Variants in OR8H2 observed in about 807,000 individuals in gnomAD.
The protein encoded by OR8H2 is olfactory receptor family 8 subfamily H member 2.
For missense variants in OR8H2, 374 were observed against 371.1 expected (o/e 1.01, Z -0.06); for synonymous variants, 157 against 139.2 (o/e 1.13, Z -0.90).
rs1854046433 is a variant in OR8H2, at chr11:56,105,760, A to G, written c.718A>G (p.Thr240Ala). ...STSGKQKAFS[T>A]CVSHLLGVTI... ...TTCAGGAAAGCAGAAAGCTTTCTCT[A>G]CTTGCGTCTCTCATCTCTTGGGAGT... Residue 240 changes from threonine to alanine, a missense_variant, in exon 2 of 2, where the codon ACT becomes GCT. Transcript: ENST00000313503. The G allele has an allele frequency of 6.8e-6, 11 of 1,613,764 alleles. No individual in the cohort carries two copies. In the South Asian group the frequency reaches 8.8e-5, roughly 13 times the overall value.
chr11:56,105,893 T>C lies in OR8H2; in HGVS notation c.851T>C (p.Val284Ala). 12 of 1,610,478 alleles carry C rather than the reference T, an allele frequency of 7.5e-6. No individual in the cohort carries two copies. The highest frequency in any genetic ancestry group is 1.7e-5 in the Admixed American group (1 of 59,850). ...GTTTTTTATACTATTGTGATTCCCG[T>C]GCTGAATCCACTCATTTATAGTCTT... ...ASVFYTIVIPVLNPLIYSLRN... is the reference protein window; with the variant it reads ...ASVFYTIVIPALNPLIYSLRN... The change falls in exon 2 of 2, where the codon GTG becomes GCG. Residue 284 changes from valine to alanine, a missense_variant. By Grantham distance (64) the Val-to-Ala change is moderately conservative (BLOSUM62 0). Coordinates refer to ENST00000313503, the MANE Select transcript of OR8H2 (RefSeq NM_001386064.1).
rs1227147946 is a variant in OR8H2, at chr11:56,106,184, T to G, written c.*203T>G. ...TCCAAATGGTAATTAGAAATCATAATATGTGTGTCATGTTTTCAGTCTACA... is the reference window on the plus strand; with the variant it reads ...TCCAAATGGTAATTAGAAATCATAAGATGTGTGTCATGTTTTCAGTCTACA... On this transcript the variant is annotated 3_prime_UTR_variant, in exon 2 of 2. Transcript: ENST00000313503. The G allele has an allele frequency of 9.3e-6, 4 of 432,152 alleles. No homozygotes were observed. In the East Asian group the frequency reaches 1.5e-4, roughly 16 times the overall value. 26.8% of individuals were successfully genotyped at this position (432,152 alleles called of 1,614,324 possible).
Position 56,106,149 on chromosome 11 carries a change from T to G in OR8H2, c.*168T>G, listed in dbSNP as rs977868071. 1 of 503,650 alleles carries G rather than the reference T, an allele frequency of 2.0e-6. No individual in the cohort carries two copies. Among genetic ancestry groups the G allele is most frequent in the African/African-American group, 2.0e-5 (1 of 51,098 alleles). The allele number at this position is 503,650 out of a possible 1,614,324, so 31.2% of individuals were successfully genotyped here. On this transcript the variant is annotated 3_prime_UTR_variant, in exon 2 of 2. Transcript: ENST00000313503. ...GATTTTAAACATTTCAAGGCATATG[T>G]TTTTAGAAATCCAAATGGTAATTAG...
In OR8H2 at chr11:56,104,869, C is replaced by A; in HGVS notation, c.-171-3C>A. The A allele has an allele frequency of 2.4e-5, 11 of 464,898 alleles. No homozygotes were observed. Among genetic ancestry groups the A allele is most frequent in the Admixed American group, 3.7e-5 (1 of 26,816 alleles). 28.8% of individuals were successfully genotyped at this position (464,898 alleles called of 1,614,324 possible). A position where few individuals can be genotyped will look rare whatever the true frequency, so the allele number is the denominator to read the frequency against. On this transcript the variant is annotated splice_region_variant and splice_polypyrimidine_tract_variant and intron_variant, in intron 1 of 1. Coordinates refer to ENST00000313503, the MANE Select transcript of OR8H2 (RefSeq NM_001386064.1). ...TTTGTTTGTTTTTTGTTTTTTGAGT[C>A]AGAGTCTGGCACAGTCGCCAGGGCT...
In OR8H2 at chr11:56,106,642, A is replaced by G. The variant is rs1854059128; in HGVS notation, c.*661A>G. On this transcript the variant is annotated 3_prime_UTR_variant, in exon 2 of 2. Transcript: ENST00000313503. ...TACTGCACAAAGCCTTTTTTCAAGA[A>G]TGTAAACTTGTGTTTAACAAATTAT... The G allele has an allele frequency of 6.6e-6, 1 of 152,064 alleles. No homozygotes were observed. Among genetic ancestry groups the G allele is most frequent in the Non-Finnish European group, 1.5e-5 (1 of 67,920 alleles). 9.4% of individuals were successfully genotyped at this position (152,064 alleles called of 1,614,324 possible).
rs372086578 is a variant in OR8H2, at chr11:56,104,905, G to T, written c.-138G>T. ...ACAGTCGCCAGGGCTGGAATGCAAT[G>T]GTGCGATCCCGGCTCACTGCAACCT... On this transcript the variant is annotated 5_prime_UTR_variant, in exon 2 of 2. An upstream start codon of the reference 5' UTR is lost. Transcript: ENST00000313503. The T allele has an allele frequency of 1.0e-4, 74 of 718,402 alleles. No homozygotes were observed. The East Asian group carries it at 1.0e-3, about 10-fold the overall frequency. 44.5% of individuals were successfully genotyped at this position (718,402 alleles called of 1,614,324 possible).
In OR8H2 at chr11:56,105,943, G is replaced by C. The variant is rs1485704629; in HGVS notation, c.901G>C (p.Val301Leu). 4.4e-6 allele frequency: 7 copies of C among 1,598,586 alleles called. No individual in the cohort carries two copies. The highest frequency in any genetic ancestry group is 2.7e-5 in the African/African-American group (2 of 74,216). The change falls in exon 2 of 2, where the codon GTC becomes CTC. Residue 301 changes from valine to leucine, a missense_variant. Transcript: ENST00000313503. ...SLRNKEVKNA[V>L]IRVMQRRQDS... ...TAGAAACAAAGAGGTGAAAAATGCT[G>C]TCATCAGAGTCATGCAGAGAAGACA...
In OR8H2 at chr11:56,104,992, G is replaced by T; in HGVS notation, c.-51G>T. 1 of 1,465,252 alleles carries T rather than the reference G, an allele frequency of 6.8e-7. No homozygotes were observed. Among genetic ancestry groups the T allele is most frequent in the Non-Finnish European group, 9.3e-7 (1 of 1,076,156 alleles). 90.8% of individuals were successfully genotyped at this position (1,465,252 alleles called of 1,614,324 possible). A position where few individuals can be genotyped will look rare whatever the true frequency, so the allele number is the denominator to read the frequency against. Reference sequence around the variant, plus strand: ...TTCTCCAGTAGCTGGGATTACAGGCGCCCCTGCTACGTATCAGCTTTGATT... The same window carrying T: ...TTCTCCAGTAGCTGGGATTACAGGCTCCCCTGCTACGTATCAGCTTTGATT... On this transcript the variant is annotated 5_prime_UTR_variant, in exon 2 of 2. Transcript: ENST00000313503.
chr11:56,105,869 T>G lies in OR8H2; in HGVS notation c.827T>G (p.Val276Gly), dbSNP rs1415272339. 6.2e-7 allele frequency: 1 copy of G among 1,611,778 alleles called. No individual in the cohort carries two copies. Among genetic ancestry groups the G allele is most frequent in the South Asian group, 1.1e-5 (1 of 90,956 alleles). Residue 276 changes from valine (V) to glycine (G), a missense_variant, in exon 2 of 2, where the codon GTT (valine) becomes GGT (glycine). Physicochemically the swap from Val to Gly is moderately radical, Grantham distance 109 (BLOSUM62 -3). Coordinates refer to ENST00000313503, the MANE Select transcript of OR8H2 (RefSeq NM_001386064.1). ...TTGGGAAGAGATCAAGTGGCTTCTGTTTTTTATACTATTGTGATTCCCGTG... is the reference window on the plus strand; with the variant it reads ...TTGGGAAGAGATCAAGTGGCTTCTGGTTTTTATACTATTGTGATTCCCGTG... ...YSLGRDQVAS[V>G]FYTIVIPVLN...
At position 56,103,837 on chromosome 11, in the gene OR8H2, T is replaced by TA. The variant is rs1458883591; in HGVS notation, c.-317dup. The TA allele has an allele frequency of 1.3e-5, 2 of 152,162 alleles. No homozygotes were observed. The highest frequency in any genetic ancestry group is 2.9e-5 in the Non-Finnish European group (2 of 68,028). The allele number at this position is 152,162 out of a possible 1,614,324, so 9.4% of individuals were successfully genotyped here. On this transcript the variant is annotated 5_prime_UTR_variant, in exon 1 of 2. An upstream open reading frame in the 5' UTR loses its in-frame stop. Transcript: ENST00000313503. ...AAAACATAATGAATACACCAAAATG[T>TA]AAAAACAACTTATCTCAAGTAAAAT...
chr11:56,104,825 T>C (rs1349270091), intron 1 of OR8H2, 47 bp from the exon 2 acceptor site: 2 of 455,868 alleles, frequency 4.4e-6, no homozygotes, highest in Non-Finnish European at 7.7e-6. Flanking sequence ...ATGCCATTCA[T>C]ATAAACAGAA....
In OR8H2 at chr11:56,103,910, AC is replaced by A. The variant is rs1323763014; in HGVS notation, c.-248del. 2 of 152,204 alleles carry A rather than the reference AC, an allele frequency of 1.3e-5. No individual in the cohort carries two copies. Among genetic ancestry groups the A allele is most frequent in the Non-Finnish European group, 2.9e-5 (2 of 68,016 alleles). The allele number at this position is 152,204 out of a possible 1,614,324, so 9.4% of individuals were successfully genotyped here. A position where few individuals can be genotyped will look rare whatever the true frequency, so the allele number is the denominator to read the frequency against. On this transcript the variant is annotated 5_prime_UTR_variant, in exon 1 of 2. Transcript: ENST00000313503. Reference sequence around the variant, plus strand: ...CCTCAGTTTTCATATTTTATTTATAACAAAAATTTGAGGTTGACAAATTTCC... The same window carrying A: ...CCTCAGTTTTCATATTTTATTTATAAAAAAATTTGAGGTTGACAAATTTCC...
chr11:56,106,084 T>A lies in OR8H2; in HGVS notation c.*103T>A. The A allele has an allele frequency of 1.2e-6, 1 of 804,798 alleles. No homozygotes were observed. The allele number at this position is 804,798 out of a possible 1,614,324, so 49.9% of individuals were successfully genotyped here. On this transcript the variant is annotated 3_prime_UTR_variant, in exon 2 of 2. Transcript: ENST00000313503. Reference sequence around the variant, plus strand: ...AAAAACAATTGAATCTTTTAATTTGTTTGCATTTCTGTTGTGCTACCCTTT... The same window carrying A: ...AAAAACAATTGAATCTTTTAATTTGATTGCATTTCTGTTGTGCTACCCTTT...
rs1481989868 is a variant in OR8H2 at position 56,106,213 on chromosome 11, ATG to A, written c.*236_*237del. ...TGTGTCATGTTTTCAGTCTACATATATGTGTTTGAAGCAACTGATGTGGAAAA... is the reference window on the plus strand; with the variant it reads ...TGTGTCATGTTTTCAGTCTACATATATGTTTGAAGCAACTGATGTGGAAAA... On this transcript the variant is annotated 3_prime_UTR_variant, in exon 2 of 2. Transcript: ENST00000313503. 3.1e-6 allele frequency: 1 copy of A among 325,440 alleles called. No homozygotes were observed. The highest frequency in any genetic ancestry group is 4.5e-5 in the Admixed American group (1 of 22,392). 20.2% of individuals were successfully genotyped at this position (325,440 alleles called of 1,614,324 possible). A position where few individuals can be genotyped will look rare whatever the true frequency, so the allele number is the denominator to read the frequency against.
In OR8H2 at chr11:56,105,688, G is replaced by T; in HGVS notation, c.646G>T (p.Ala216Ser). The change falls in exon 2 of 2, where the codon GCA becomes TCA. Residue 216 changes from alanine to serine, a missense_variant. Coordinates refer to ENST00000313503, the MANE Select transcript of OR8H2 (RefSeq NM_001386064.1). ...GATGGTGTCCCTTTTCACAATATCT[G>T]CATCCTATGTGTTCATTCTCTTTAC... ...TLMVSLFTIS[A>S]SYVFILFTIL... 3.1e-6 allele frequency: 5 copies of T among 1,614,030 alleles called. No homozygotes were observed. The highest frequency in any genetic ancestry group is 4.2e-6 in the Non-Finnish European group (5 of 1,179,928).
Position 56,107,455 on chromosome 11 carries a change from C to T in OR8H2, c.*1474C>T, listed in dbSNP as rs1485323754. Reference sequence around the variant, plus strand: ...GTAACAGCCCACAAATTTAGTCAGGCAGAGTGCTAAAATGTCTTTTATTTT... The same window carrying T: ...GTAACAGCCCACAAATTTAGTCAGGTAGAGTGCTAAAATGTCTTTTATTTT... On this transcript the variant is annotated 3_prime_UTR_variant, in exon 2 of 2. Coordinates refer to ENST00000313503, the MANE Select transcript of OR8H2 (RefSeq NM_001386064.1). 4 of 151,916 alleles carry T rather than the reference C, an allele frequency of 2.6e-5. No individual in the cohort carries two copies. Among genetic ancestry groups the T allele is most frequent in the African/African-American group, 9.7e-5 (4 of 41,426 alleles). The allele number at this position is 151,916 out of a possible 1,614,324, so 9.4% of individuals were successfully genotyped here.
In OR8H2 at chr11:56,105,634, C is replaced by A; in HGVS notation, c.592C>A (p.Leu198Met). Residue 198 changes from leucine to methionine, a missense_variant, in exon 2 of 2, where the codon CTG (leucine) becomes ATG (methionine). Coordinates refer to ENST00000313503, the MANE Select transcript of OR8H2 (RefSeq NM_001386064.1). ...SCTDTYNTEILIFIIVGSTLM... is the reference protein window; with the variant it reads ...SCTDTYNTEIMIFIIVGSTLM... Reference sequence around the variant, plus strand: ...CACTGATACATACAACACCGAAATCCTGATATTCATTATTGTTGGTTCCAC... The same window carrying A: ...CACTGATACATACAACACCGAAATCATGATATTCATTATTGTTGGTTCCAC... 6.2e-7 allele frequency: 1 copy of A among 1,614,096 alleles called. No homozygotes were observed. Among genetic ancestry groups the A allele is most frequent in the Non-Finnish European group, 8.5e-7 (1 of 1,179,950 alleles).
At position 56,105,474 on chromosome 11, in the gene OR8H2, C is replaced by T; in HGVS notation, c.432C>T (p.Leu144=). Residue 144 remains leucine (L), a synonymous_variant, in exon 2 of 2, where the codon CTC becomes CTT. Transcript: ENST00000313503. The part of the protein sequence containing the change: ...VIMSKRLCLA[L]ITGPYVIGFI... ...TGTCCAAAAGGCTCTGCCTCGCTCT[C>T]ATCACTGGGCCTTATGTGATTGGCT... 1 of 1,614,194 alleles carries T rather than the reference C, an allele frequency of 6.2e-7. No individual in the cohort carries two copies. Among genetic ancestry groups the T allele is most frequent in the Non-Finnish European group, 8.5e-7 (1 of 1,180,036 alleles).
Position 56,106,902 on chromosome 11 carries a change from C to T in OR8H2, c.*921C>T, listed in dbSNP as rs1246122019. The T allele has an allele frequency of 6.6e-6, 1 of 151,874 alleles. No individual in the cohort carries two copies. Among genetic ancestry groups the T allele is most frequent in the Non-Finnish European group, 1.5e-5 (1 of 67,806 alleles). The allele number at this position is 151,874 out of a possible 1,614,324, so 9.4% of individuals were successfully genotyped here. On this transcript the variant is annotated 3_prime_UTR_variant, in exon 2 of 2. Transcript: ENST00000313503. ...GGGGTAGCCATTATTCTTTTCTTTA[C>T]TTCTCTAATAAACCCATTTTCAGTT...
Sources: allele counts gnomAD v4.1 joint callset, GRCh38; gene constraint gnomAD v4.1.1; transcripts MANE v1.5; gene names NCBI Gene and HGNC (gene_info 2026-07-23, HGNC 2026-07-21).